PIGU: variants seen among roughly 807,000 people sequenced by gnomAD.
The protein encoded by PIGU is GPI-anchor transamidase component PIGU.
Under a neutral mutation model 49.9 loss-of-function variants are expected in PIGU, and 24 were observed. The observed-to-expected ratio is 0.48, with a 90% confidence interval of 0.35 to 0.68. The LOEUF (loss-of-function observed/expected upper bound fraction) is 0.68. Among genes scored for constraint, PIGU ranks in the 30% least tolerant of loss-of-function variants. The probability of loss-of-function intolerance (pLI) is 0.01; values close to 1 mark genes in which losing one functional copy is unlikely to be tolerated. For synonymous variants in PIGU, 220 were observed against 205.7 expected, an observed-to-expected ratio of 1.07 and a Z score of -0.59; for missense variants, 490 against 532.6, an observed-to-expected ratio of 0.92 and a Z score of 0.79.
intron 1 of PIGU, among the ~76,000 whole-genome samples, chr20:34,672,022 T>A (rs539365313): frequency 6.6e-6 from 1 of 152,252 alleles, no homozygotes; most frequent in Admixed American, 6.5e-5. Context: ...ACCCTCCACC[T>A]CTGCCTCCCG....
chr20:34,619,969 C>G (rs371295028), intron 6 of PIGU, among the ~76,000 whole-genome samples: 9 of 152,288 alleles, frequency 5.9e-5, no homozygotes, highest in African/African-American at 2.2e-4. Flanking sequence ...GGATCCACCC[C>G]TGGAGCATTT....
chr20:34,614,650 C>T (rs951118039), intron 7 of PIGU, among the ~76,000 whole-genome samples: 2 of 151,240 alleles, frequency 1.3e-5, no homozygotes, highest in African/African-American at 2.4e-5. Flanking sequence ...AAAATTTCTA[C>T]GTTATTTATA....
intron 5 of PIGU, among the ~76,000 whole-genome samples, chr20:34,637,350 A>T (rs1289491328): frequency 6.6e-6 from 1 of 152,226 alleles, no homozygotes; most frequent in African/African-American, 2.4e-5. Flanking sequence ...AACCCAAAAG[A>T]GTACAACTTA....
chr20:34,658,427 G>C (rs1225130726), intron 1 of PIGU, among the ~76,000 whole-genome samples: 1 of 152,316 alleles, frequency 6.6e-6, no homozygotes, highest in African/African-American at 2.4e-5. Context: ...CGTCTGGGAA[G>C]TGAGGAGCAT....
intron 6 of PIGU, among the ~76,000 whole-genome samples, chr20:34,622,458 A>G (rs1985277644): frequency 6.6e-6 from 1 of 152,114 alleles, no homozygotes; most frequent in African/African-American, 2.4e-5. Flanking sequence ...TGGAGGTTGC[A>G]GTGAGCCGAG....
intron 11 of PIGU, among the ~76,000 whole-genome samples, chr20:34,563,951 A>G (rs1428911539): frequency 1.3e-5 from 2 of 152,200 alleles, no homozygotes; most frequent in African/African-American, 4.8e-5. Context: ...CAACCCCAGG[A>G]TAGTCCTAAG....
intron 2 of PIGU, among the ~76,000 whole-genome samples, chr20:34,648,838 T>C (rs558945230): frequency 5.2e-4 from 79 of 152,242 alleles, no homozygotes; most frequent in Non-Finnish European, 9.9e-4. Flanking sequence ...CATGAGCCAC[T>C]GCACCTGACC....
intron 6 of PIGU, among the ~76,000 whole-genome samples, chr20:34,620,537 C>T (rs1033524827): frequency 6.6e-6 from 1 of 152,122 alleles, no homozygotes; most frequent in East Asian, 1.9e-4. Flanking sequence ...CTTGGACAGG[C>T]GCGGTGGCTC....
chr20:34,667,776 T>A (rs1987148988), intron 1 of PIGU, among the ~76,000 whole-genome samples: 1 of 147,130 alleles, frequency 6.8e-6, no homozygotes, highest in Non-Finnish European at 1.5e-5. Flanking sequence ...AATGCAAAAA[T>A]TAGTAGGCAA....
chr20:34,622,156 G>A (rs942628392), intron 6 of PIGU, among the ~76,000 whole-genome samples: 2 of 152,132 alleles, frequency 1.3e-5, no homozygotes, highest in Admixed American at 6.5e-5. Context: ...TCAACGTTTC[G>A]TGAAAATTCA....
chr20:34,634,486 T>C, intron 6 of PIGU, 129 bp downstream of exon 6: 1 of 1,339,622 alleles, frequency 7.5e-7, no homozygotes, highest in Middle Eastern at 2.0e-4. Flanking sequence ...CTTGTATTAC[T>C]TGTGTAATTT....
chr20:34,597,315 T>C (rs1984239818), intron 7 of PIGU, among the ~76,000 whole-genome samples: 1 of 152,094 alleles, frequency 6.6e-6, no homozygotes, highest in Non-Finnish European at 1.5e-5. Flanking sequence ...AAAGAATACA[T>C]GCAATAACAT....
At chr20:34,565,923 T>C (rs1982743060) in intron 11 of PIGU, among the ~76,000 whole-genome samples, 1 of 148,662 alleles carries the variant, frequency 6.7e-6, no homozygotes, top group Non-Finnish European at 1.5e-5. Flanking sequence ...ATGCTCGCAC[T>C]GCTCAGACAC....
chr20:34,640,550 A>AT, intron 4 of PIGU, among the ~76,000 whole-genome samples: 1 of 152,074 alleles, frequency 6.6e-6, no homozygotes. Flanking sequence ...TTAAGAAAAT[A>AT]TAAGTATAAA....
intron 4 of PIGU, among the ~76,000 whole-genome samples, chr20:34,640,847 C>T (rs764063416): frequency 1.2e-4 from 19 of 152,148 alleles, no homozygotes; most frequent in Non-Finnish European, 2.5e-4. Flanking sequence ...CTTTCCTTGT[C>T]CCTTGAAAGA....
At chr20:34,652,917 ATG>A (rs1044010834) in intron 2 of PIGU, among the ~76,000 whole-genome samples, 22 of 150,006 alleles carry the variant, frequency 1.5e-4, no homozygotes, top group South Asian at 1.0e-3. Context: ...GAAAAAAATT[ATG>A]TGTTTTGCTG....
intron 9 of PIGU, among the ~76,000 whole-genome samples, chr20:34,584,483 C>G (rs1198606919): frequency 6.6e-6 from 1 of 151,108 alleles, no homozygotes; most frequent in Non-Finnish European, 1.5e-5. Context: ...TCCAAACACA[C>G]TCCCCTCCAC....
chr20:34,566,042 A>T (rs1982750427), intron 11 of PIGU, among the ~76,000 whole-genome samples: 1 of 151,492 alleles, frequency 6.6e-6, no homozygotes, highest in Admixed American at 6.6e-5. Flanking sequence ...ACACACATAC[A>T]CGCACGCTCT....
intron 1 of PIGU, among the ~76,000 whole-genome samples, chr20:34,658,209 G>A (rs977427470): frequency 1.1e-4 from 16 of 152,250 alleles, no homozygotes; most frequent in South Asian, 1.0e-3. Flanking sequence ...TGGCCGGGCC[G>A]GTCTCCAGCT....
Sources: allele counts gnomAD v4.1 joint callset (sites outside exome capture counted in the v4.1 genomes callset), GRCh38; gene constraint gnomAD v4.1.1; transcripts MANE v1.5; gene names NCBI Gene and HGNC (gene_info 2026-07-23, HGNC 2026-07-21).